Variants in OGDHL observed in about 807,000 individuals in gnomAD.
The protein encoded by OGDHL is oxoglutarate dehydrogenase L.
In OGDHL, 79 loss-of-function variants were observed where a neutral mutation model predicts 109.6. The ratio of observed to expected loss-of-function variants is 0.72; its 90% CI spans 0.60 to 0.87. The LOEUF is 0.87. OGDHL is among the 40% of genes least tolerant of loss of function. The pLI is 0.00. For synonymous variants in OGDHL, 528 were observed against 537.2 expected, an observed-to-expected ratio of 0.98 and a Z score of 0.24; for missense variants, 1,275 against 1,362.2, an observed-to-expected ratio of 0.94 and a Z score of 1.01.
chr10:49,750,782 C>T, intron 7 of OGDHL, 57 bp downstream of exon 7: 4 of 1,532,484 alleles, frequency 2.6e-6, no homozygotes, highest in Non-Finnish European at 2.6e-6. Context: ...ATCTCTCCCA[C>T]CTCTGTCCCC....
intron 2 of OGDHL, among the ~76,000 whole-genome samples, chr10:49,758,020 C>G (rs1843018509): frequency 6.6e-6 from 1 of 152,196 alleles, no homozygotes; most frequent in Non-Finnish European, 1.5e-5. Flanking sequence ...ACCCTCCCAT[C>G]TAATTTAATT....
chr10:49,749,879 C>T (rs1049193963), intron 7 of OGDHL, 63 bp from the exon 8 acceptor site: 12 of 1,415,336 alleles, frequency 8.5e-6, no homozygotes, highest in Admixed American at 2.0e-5. Context: ...TTCCCTCCCC[C>T]ACTGTGGAGG....
Position 49,748,724 on chromosome 10 carries a change from G to A in OGDHL, c.987+1002C>T, listed in dbSNP as rs931162697. ...AGGATGTCAGAAAGACCTGGGATAG[G>A]AGCCAGTAGGTATGGGTCCACACAC... On this transcript the variant is annotated intron_variant, in intron 8 of 22. Coordinates refer to ENST00000374103, the MANE Select transcript of OGDHL (RefSeq NM_018245.3). 1.3e-4 allele frequency among the ~76,000 whole-genome samples: 19 copies of A among 146,132 alleles called. 1 individual carries two copies. The highest frequency in any genetic ancestry group is 2.7e-4 in the Non-Finnish European group (18 of 67,336).
In OGDHL at chr10:49,745,813, A is replaced by G. The variant is rs2133028780; in HGVS notation, c.1461T>C (p.Asp487=). 6.2e-7 allele frequency: 1 copy of G among 1,614,096 alleles called. No individual in the cohort carries two copies. The highest frequency in any genetic ancestry group is 1.1e-5 in the South Asian group (1 of 91,076). ...CCAGACCCACCAGGTCCACGACAAC[A>G]TCTTTGTTGAAAGTGTTTCTCCATT... ...AAEWRNTFNK[D]VVVDLVCYRR... The change falls in exon 11 of 23, where the codon GAT becomes GAC. Residue 487 remains aspartate (D), a synonymous_variant. Transcript: ENST00000374103.
intron 17 of OGDHL, chr10:49,739,453 G>A (rs1196889104): frequency 1.8e-5 from 10 of 548,002 alleles, no homozygotes; most frequent in South Asian, 9.7e-5. Flanking sequence ...GCACTCATAC[G>A]TGGTAGCGCC....
chr10:49,752,094 G>A (rs891965263), intron 5 of OGDHL, 39 bp downstream of exon 5: 12 of 1,608,898 alleles, frequency 7.5e-6, no homozygotes, highest in Non-Finnish European at 2.6e-6. Flanking sequence ...GCTCCAAAGA[G>A]CTGCTTCAGC....
At chr10:49,743,102 G>A (rs1841912366) in intron 14 of OGDHL, 124 bp from the exon 15 acceptor site, 2 of 1,270,094 alleles carry the variant, frequency 1.6e-6, no homozygotes. Flanking sequence ...TGGAGGGCAG[G>A]GATGCTGCAG....
At chr10:49,738,295 C>T (rs373315325) in intron 17 of OGDHL, 33 bp from the exon 18 acceptor site, 1 of 1,610,570 alleles carries the variant, frequency 6.2e-7, no homozygotes, top group Non-Finnish European at 8.5e-7. Flanking sequence ...CAAGGCTGGA[C>T]CCCACCATGG....
chr10:49,738,705 C>T (rs1054682452), intron 17 of OGDHL: 3 of 190,422 alleles, frequency 1.6e-5, no homozygotes, highest in Non-Finnish European at 2.2e-5. Flanking sequence ...CACCCATGAC[C>T]ACACAGCCAG....
chr10:49,738,055 G>T lies in OGDHL; in HGVS notation c.2409C>A (p.Phe803Leu). Residue 803 changes from phenylalanine to leucine, a missense_variant, in exon 19 of 23, where the codon TTC becomes TTA. Transcript: ENST00000374103. ...SDAYPAFTKDFEVSQLYDCNW... is the reference protein window; with the variant it reads ...SDAYPAFTKDLEVSQLYDCNW... Reference sequence around the variant, plus strand: ...TGCAGTCATAGAGCTGGCTCACCTCGAAGTCCTTGGTGAATGCCTGTGGGG... The same window carrying T: ...TGCAGTCATAGAGCTGGCTCACCTCTAAGTCCTTGGTGAATGCCTGTGGGG... The T allele has an allele frequency of 6.2e-7, 1 of 1,614,166 alleles. No individual in the cohort carries two copies. The highest frequency in any genetic ancestry group is 8.5e-7 in the Non-Finnish European group (1 of 1,180,018).
intron 1 of OGDHL, among the ~76,000 whole-genome samples, chr10:49,761,489 C>T (rs1843274397): frequency 6.6e-6 from 1 of 152,250 alleles, no homozygotes. Flanking sequence ...AGCAGGTCTA[C>T]TCTGACCCCA....
intron 8 of OGDHL, among the ~76,000 whole-genome samples, chr10:49,747,598 T>A (rs2133041896): frequency 6.6e-6 from 1 of 152,316 alleles, no homozygotes; most frequent in Admixed American, 6.5e-5. Context: ...ATGGTAGCAA[T>A]GAGGAACACA....
intron 14 of OGDHL, chr10:49,743,619 T>C (rs373377692): frequency 4.5e-4 from 81 of 179,696 alleles, no homozygotes; most frequent in Middle Eastern, 2.6e-3. Context: ...GCCACCGTCC[T>C]TTCAGCTGCA....
chr10:49,756,195 C>T (rs566018944), intron 3 of OGDHL, among the ~76,000 whole-genome samples: 9 of 152,314 alleles, frequency 5.9e-5, no homozygotes, highest in East Asian at 1.9e-4. Context: ...CAAATGATTA[C>T]GCTTGTTATG....
chr10:49,743,669 A>G (rs1258169), intron 14 of OGDHL: 88,796 of 222,628 alleles, frequency 0.4, 21,237 homozygotes, highest in East Asian at 0.87. Context: ...CAGCCCCTGT[A>G]TGGGAGCCCT....
At chr10:49,742,023 AAACAT>A (rs1841724901) in intron 15 of OGDHL, among the ~76,000 whole-genome samples, 3 of 134,452 alleles carry the variant, frequency 2.2e-5, no homozygotes, top group Non-Finnish European at 4.9e-5. Context: ...CACATGCACC[AAACAT>A]GACACATACC....
chr10:49,741,378 T>C (rs1354756277), intron 15 of OGDHL, among the ~76,000 whole-genome samples: 2 of 151,920 alleles, frequency 1.3e-5, no homozygotes, highest in Admixed American at 6.6e-5. Flanking sequence ...TCTGGGTGCA[T>C]CAGAGGGCCA....
At chr10:49,736,929 G>A (rs986492582) in intron 20 of OGDHL, among the ~76,000 whole-genome samples, 1 of 152,124 alleles carries the variant, frequency 6.6e-6, no homozygotes, top group African/African-American at 2.4e-5. Context: ...GCTGCTGCAT[G>A]CTCCTCCTCT....
chr10:49,758,406 G>A lies in OGDHL; in HGVS notation c.187C>T (p.Pro63Ser), dbSNP rs1243633009. The stretch of plus-strand genomic sequence containing the variant: ...ATGCTGACCTTGTGGACACTCTGGG[G>A]GTTTTCCAACCAGGCGAAGTACATC... The part of the protein sequence containing the change: ...EEMYFAWLEN[P>S]QSVHKSWDSF... Residue 63 changes from proline (P) to serine (S), a missense_variant, in exon 2 of 23, where the codon CCC becomes TCC. Transcript: ENST00000374103. The A allele has an allele frequency of 6.2e-7, 1 of 1,613,000 alleles. No homozygotes were observed. The highest frequency in any genetic ancestry group is 8.5e-7 in the Non-Finnish European group (1 of 1,179,688).
Sources: allele counts gnomAD v4.1 joint callset (sites outside exome capture counted in the v4.1 genomes callset), GRCh38; gene constraint gnomAD v4.1.1; transcripts MANE v1.5; gene names NCBI Gene and HGNC (gene_info 2026-07-23, HGNC 2026-07-21).